The following CMPK1 variants were observed in gnomAD, a reference collection of about 807,000 sequenced individuals.
CMPK1 encodes UMP-CMP kinase.
A neutral mutation model predicts 25.7 loss-of-function variants in CMPK1; 10 were observed. The observed-to-expected ratio is 0.39, with a 90% CI of 0.24 to 0.66. The LOEUF (loss-of-function observed/expected upper bound fraction) is 0.66, where lower values mean the gene tolerates loss of function less well. Among genes scored for constraint, CMPK1 ranks in the 30% least tolerant of loss-of-function variants. CMPK1 has a pLI of 0.48. For synonymous variants in CMPK1, 106 were observed against 101.5 expected (o/e 1.04, Z -0.27); for missense variants, 199 against 280.5 (o/e 0.71, Z 2.08).
intron 1 of CMPK1, among the ~76,000 whole-genome samples, chr1:47,349,972 T>C (rs1244302231): frequency 6.6e-6 from 1 of 152,078 alleles, no homozygotes; most frequent in Non-Finnish European, 1.5e-5. Context: ...GCCCAGCTAA[T>C]TTTTTGTATT....
At chr1:47,344,067 TA>T (rs34326568) in intron 1 of CMPK1, among the ~76,000 whole-genome samples, 337 of 141,250 alleles carry the variant, frequency 2.4e-3, no homozygotes, top group Middle Eastern at 7.1e-3. Flanking sequence ...GACCATGTCT[TA>T]AAAAAAAAAA....
intron 1 of CMPK1, among the ~76,000 whole-genome samples, chr1:47,344,270 A>T (rs1232064957): frequency 1.3e-5 from 2 of 152,202 alleles, no homozygotes; most frequent in East Asian, 3.9e-4. Context: ...AGAGGAGGTG[A>T]TGTGTATGAG....
chr1:47,370,906 A>G (rs1646673859), intron 2 of CMPK1, among the ~76,000 whole-genome samples: 1 of 151,974 alleles, frequency 6.6e-6, no homozygotes, highest in African/African-American at 2.4e-5. Flanking sequence ...GCAGTGAGCC[A>G]GGATCGCACC....
At chr1:47,371,489 G>A (rs138088707) in intron 2 of CMPK1, among the ~76,000 whole-genome samples, 13 of 151,942 alleles carry the variant, frequency 8.6e-5, no homozygotes, top group Admixed American at 7.2e-4. Flanking sequence ...TATTTTTCTT[G>A]TAGTATTTAA....
chr1:47,333,803 G>A lies in CMPK1; in HGVS notation c.-143G>A. 3.4e-6 allele frequency: 1 copy of A among 292,930 alleles called. No homozygotes were observed. The highest frequency in any genetic ancestry group is 5.1e-6 in the Non-Finnish European group (1 of 196,150). The allele number at this position is 292,930 out of a possible 1,614,324, so 18.1% of individuals were successfully genotyped here. A position where few individuals can be genotyped will look rare whatever the true frequency, so the allele number is the denominator to read the frequency against. On this transcript the variant is annotated 5_prime_UTR_variant, in exon 1 of 6. Coordinates refer to ENST00000371873, the MANE Select transcript of CMPK1 (RefSeq NM_016308.3). ...GCGAAGCTCCTCCCCTTCCGACAGGGCCGCGGACGCCCGGGCAGCCACGGC... is the reference window on the plus strand; with the variant it reads ...GCGAAGCTCCTCCCCTTCCGACAGGACCGCGGACGCCCGGGCAGCCACGGC...
At chr1:47,357,210 G>A (rs546798045) in intron 1 of CMPK1, among the ~76,000 whole-genome samples, 1 of 152,138 alleles carries the variant, frequency 6.6e-6, no homozygotes, top group African/African-American at 2.4e-5. Flanking sequence ...TGATCTGCCT[G>A]CCTCGGCCTC....
At chr1:47,347,044 A>G (rs1475925408) in intron 1 of CMPK1, among the ~76,000 whole-genome samples, 2 of 151,754 alleles carry the variant, frequency 1.3e-5, no homozygotes, top group Non-Finnish European at 2.9e-5. Flanking sequence ...CGGCCTCCCA[A>G]AGTCTTGGGA....
At chr1:47,365,959 C>T (rs138979288) in intron 1 of CMPK1, among the ~76,000 whole-genome samples, 5,008 of 151,742 alleles carry the variant, frequency 0.033, 119 homozygotes, top group South Asian at 0.086. Flanking sequence ...TTTGGGAGGC[C>T]GAGGTGGGTA....
chr1:47,340,883 C>G (rs1051824646), intron 1 of CMPK1, among the ~76,000 whole-genome samples: 2 of 151,978 alleles, frequency 1.3e-5, no homozygotes, highest in Non-Finnish European at 2.9e-5. Context: ...GTGATCCGCC[C>G]GCCTCAGCCT....
chr1:47,338,551 C>G (rs1459998463), intron 1 of CMPK1, among the ~76,000 whole-genome samples: 127 of 135,592 alleles, frequency 9.4e-4, no homozygotes, highest in African/African-American at 3.3e-3. Context: ...CTCCCTCCCT[C>G]TCTCCTTCCC....
Position 47,377,061 on chromosome 1 carries a change from T to G in CMPK1, c.*316T>G. On this transcript the variant is annotated 3_prime_UTR_variant, in exon 6 of 6. Coordinates refer to ENST00000371873, the MANE Select transcript of CMPK1 (RefSeq NM_016308.3). ...TGAGCAAAACTTTTTAGTACGCGTATATATCCCTCTAGTAATCACAACATT... is the reference window on the plus strand; with the variant it reads ...TGAGCAAAACTTTTTAGTACGCGTAGATATCCCTCTAGTAATCACAACATT... 1 of 190,056 alleles carries G rather than the reference T, an allele frequency of 5.3e-6. No individual in the cohort carries two copies. The highest frequency in any genetic ancestry group is 1.1e-5 in the Non-Finnish European group (1 of 92,812). 11.8% of individuals were successfully genotyped at this position (190,056 alleles called of 1,614,324 possible).
At chr1:47,342,462 A>G (rs1646448081) in intron 1 of CMPK1, among the ~76,000 whole-genome samples, 1 of 152,090 alleles carries the variant, frequency 6.6e-6, no homozygotes, top group Non-Finnish European at 1.5e-5. Flanking sequence ...CACAGATGAT[A>G]ATGTTTACCA....
At chr1:47,346,355 C>T (rs1352973122) in intron 1 of CMPK1, among the ~76,000 whole-genome samples, 1 of 152,128 alleles carries the variant, frequency 6.6e-6, no homozygotes, top group Non-Finnish European at 1.5e-5. Flanking sequence ...CTACTGCGCC[C>T]AGCCTAATTT....
chr1:47,339,699 T>TC (rs1438408669), intron 1 of CMPK1, among the ~76,000 whole-genome samples: 13 of 124,708 alleles, frequency 1.0e-4, no homozygotes, highest in African/African-American at 1.7e-4. Context: ...TTTCTTCCTT[T>TC]CCTTTTTTTT....
Position 47,334,008 on chromosome 1 carries a change from C to T in CMPK1, c.63C>T (p.Thr21=). Residue 21 remains threonine (T), a synonymous_variant, in exon 1 of 6, where the codon ACC becomes ACT. Coordinates refer to ENST00000371873, the MANE Select transcript of CMPK1 (RefSeq NM_016308.3). The part of the protein sequence containing the change: ...HVLGLSFLLQ[T]RRPILLCSPR... ...TGGGCCTTAGCTTCCTGCTGCAGACCCGCCGGCCGATTCTCCTCTGCTCTC... is the reference window on the plus strand; with the variant it reads ...TGGGCCTTAGCTTCCTGCTGCAGACTCGCCGGCCGATTCTCCTCTGCTCTC... The T allele has an allele frequency of 6.5e-7, 1 of 1,548,924 alleles. No homozygotes were observed. The highest frequency in any genetic ancestry group is 8.7e-7 in the Non-Finnish European group (1 of 1,147,678).
intron 1 of CMPK1, 84 bp downstream of exon 1, chr1:47,334,200 C>T (rs1646378421): frequency 1.7e-6 from 2 of 1,184,384 alleles, no homozygotes; most frequent in African/African-American, 1.6e-5. Flanking sequence ...CCGCGCCCCG[C>T]GGAGTCGCCG....
chr1:47,359,544 C>T (rs554466874), intron 1 of CMPK1, among the ~76,000 whole-genome samples: 7 of 151,134 alleles, frequency 4.6e-5, no homozygotes, highest in African/African-American at 9.8e-5. Context: ...CCCGCCACCA[C>T]GCCTGGCTAA....
chr1:47,355,086 G>A (rs1646550413), intron 1 of CMPK1, among the ~76,000 whole-genome samples: 1 of 151,260 alleles, frequency 6.6e-6, no homozygotes, highest in Non-Finnish European at 1.5e-5. Context: ...AATCTTTGTC[G>A]CTCAGGTTGG....
At chr1:47,355,368 G>A (rs1646552832) in intron 1 of CMPK1, among the ~76,000 whole-genome samples, 1 of 107,676 alleles carries the variant, frequency 9.3e-6, no homozygotes, top group Admixed American at 1.2e-4. Context: ...TTTTTTTTGA[G>A]ACAGAGTCTC....
Sources: gnomAD v4.1 joint callset for allele counts (sites outside exome capture counted in the v4.1 genomes callset) on GRCh38, gnomAD v4.1.1 for gene constraint, MANE v1.5 for transcripts, NCBI Gene and HGNC (gene_info 2026-07-23, HGNC 2026-07-21) for gene names.